The following PRKG1 variants were observed in gnomAD, a reference collection of about 807,000 sequenced individuals.
PRKG1 encodes cGMP-dependent protein kinase 1.
A neutral mutation model predicts 88.1 loss-of-function variants in PRKG1; 35 were observed. The observed-to-expected ratio is 0.40, with a 90% CI of 0.30 to 0.53. The LOEUF is 0.53. Among genes scored for constraint, PRKG1 ranks in the 20% least tolerant of loss-of-function variants. The pLI is 0.59. For missense variants in PRKG1, 540 were observed against 839.8 expected, an observed-to-expected ratio of 0.64 and a Z score of 4.41; for synonymous variants, 303 against 292.5, an observed-to-expected ratio of 1.04 and a Z score of -0.37.
At chr10:51,715,026 G>A (rs978568039) in intron 3 of PRKG1, among the ~76,000 whole-genome samples, 3 of 152,114 alleles carry the variant, frequency 2.0e-5, no homozygotes, top group African/African-American at 7.2e-5. Context: ...CCCGTGGGAT[G>A]TGCATATATA....
intron 9 of PRKG1, among the ~76,000 whole-genome samples, chr10:52,208,461 T>C (rs1018689940): frequency 2.0e-5 from 3 of 152,206 alleles, no homozygotes; most frequent in Non-Finnish European, 4.4e-5. Context: ...AGAAGTATTA[T>C]GGTAAAATGC....
intron 2 of PRKG1, among the ~76,000 whole-genome samples, chr10:51,168,301 A>C (rs1378812537): frequency 2.0e-5 from 3 of 152,160 alleles, no homozygotes; most frequent in African/African-American, 7.2e-5. Flanking sequence ...GCAGAAACAG[A>C]GAATACAGCT....
chr10:52,060,823 C>T (rs969380614), intron 6 of PRKG1, among the ~76,000 whole-genome samples: 3 of 151,844 alleles, frequency 2.0e-5, no homozygotes, highest in African/African-American at 7.2e-5. Context: ...TACCCATGGA[C>T]ACTAGAACAC....
chr10:51,008,553 G>A (rs1842962203), intron 1 of PRKG1, among the ~76,000 whole-genome samples: 1 of 152,086 alleles, frequency 6.6e-6, no homozygotes, highest in Admixed American at 6.5e-5. Context: ...TCCAATCTTT[G>A]CCTTCATTTT....
chr10:51,775,509 G>C (rs1490774534), intron 3 of PRKG1, among the ~76,000 whole-genome samples: 3 of 152,014 alleles, frequency 2.0e-5, no homozygotes, highest in Non-Finnish European at 4.4e-5. Context: ...CTGAGTAGAT[G>C]ATTTTGTGAA....
chr10:51,221,117 CTAAAGT>C (rs1303304981), intron 2 of PRKG1, among the ~76,000 whole-genome samples: 1 of 151,894 alleles, frequency 6.6e-6, no homozygotes, highest in Non-Finnish European at 1.5e-5. Context: ...GCAAAGTAAA[CTAAAGT>C]TAATGTATTT....
chr10:51,073,081 C>T (rs1265884013), upstream of PRKG1, among the ~76,000 whole-genome samples: 1 of 152,058 alleles, frequency 6.6e-6, no homozygotes, highest in Non-Finnish European at 1.5e-5. Flanking sequence ...TGGATGAGTT[C>T]GTAATGTCTT....
intron 5 of PRKG1, among the ~76,000 whole-genome samples, chr10:51,987,838 G>C (rs908640340): frequency 2.0e-5 from 3 of 151,978 alleles, no homozygotes; most frequent in African/African-American, 7.2e-5. Context: ...GACAAGTATA[G>C]GTTCAAGAAA....
At chr10:51,901,449 T>G (rs2132933355) in intron 4 of PRKG1, among the ~76,000 whole-genome samples, 1 of 152,340 alleles carries the variant, frequency 6.6e-6, no homozygotes. Flanking sequence ...ACCATACCGT[T>G]TGAAAGATGC....
chr10:52,156,373 T>C (rs1838098164), intron 8 of PRKG1, among the ~76,000 whole-genome samples: 1 of 151,942 alleles, frequency 6.6e-6, no homozygotes, highest in Non-Finnish European at 1.5e-5. Context: ...CTTTGTGTCT[T>C]ATCTGTAATA....
intron 3 of PRKG1, among the ~76,000 whole-genome samples, chr10:51,559,268 A>G (rs180927553): frequency 1.8e-3 from 271 of 152,212 alleles, no homozygotes; most frequent in Admixed American, 3.3e-3. Flanking sequence ...ATACATTGCT[A>G]TAACACAAGA....
At chr10:51,291,712 A>G (rs941712998) in intron 2 of PRKG1, among the ~76,000 whole-genome samples, 1 of 152,154 alleles carries the variant, frequency 6.6e-6, no homozygotes, top group African/African-American at 2.4e-5. Flanking sequence ...TGTTAGCTAA[A>G]ACAGATGGCC....
At chr10:52,293,237 A>G (rs1842300525) in intron 17 of PRKG1, among the ~76,000 whole-genome samples, 1 of 151,798 alleles carries the variant, frequency 6.6e-6, no homozygotes, top group Non-Finnish European at 1.5e-5. Flanking sequence ...GAGAACTACA[A>G]CCCACTGCTC....
chr10:51,045,662 A>G (rs1196497399), intron 1 of PRKG1, among the ~76,000 whole-genome samples: 1 of 152,194 alleles, frequency 6.6e-6, no homozygotes, highest in African/African-American at 2.4e-5. Context: ...GTCCATATGC[A>G]CATGTACATT....
At chr10:51,571,771 C>T (rs79712352) in intron 3 of PRKG1, among the ~76,000 whole-genome samples, 11,293 of 151,878 alleles carry the variant, frequency 0.074, 1,394 homozygotes, top group African/African-American at 0.26. Context: ...GGATTTCTTA[C>T]TTTCTGTTTG....
chr10:51,652,332 G>T (rs999248459), intron 3 of PRKG1, among the ~76,000 whole-genome samples: 3 of 132,322 alleles, frequency 2.3e-5, no homozygotes, highest in African/African-American at 8.0e-5. Context: ...AAAAAAAAAA[G>T]CTGTCTCAGA....
At chr10:51,057,280 G>T (rs1843637281) in intron 1 of PRKG1, among the ~76,000 whole-genome samples, 2 of 152,202 alleles carry the variant, frequency 1.3e-5, no homozygotes, top group Non-Finnish European at 2.9e-5. Flanking sequence ...ACAGTTGATT[G>T]TTGATTGTGT....
intron 4 of PRKG1, among the ~76,000 whole-genome samples, chr10:51,900,892 C>A (rs1329066416): frequency 6.6e-6 from 1 of 151,982 alleles, no homozygotes; most frequent in African/African-American, 2.4e-5. Context: ...AATATTTTGT[C>A]ACACACACAA....
chr10:52,264,364 A>C (rs1284368595), intron 10 of PRKG1, among the ~76,000 whole-genome samples: 2 of 151,796 alleles, frequency 1.3e-5, no homozygotes, highest in African/African-American at 4.8e-5. Flanking sequence ...ACAGTCTCTC[A>C]ATGTAGGGCT....
Sources: gnomAD v4.1 joint callset for allele counts (sites outside exome capture counted in the v4.1 genomes callset) on GRCh38, gnomAD v4.1.1 for gene constraint, MANE v1.5 for transcripts, NCBI Gene and HGNC (gene_info 2026-07-23, HGNC 2026-07-21) for gene names.